FBN1: variants seen among roughly 807,000 people sequenced by gnomAD.
The protein encoded by FBN1 is fibrillin-1.
In FBN1, 29 loss-of-function variants were observed where a neutral mutation model predicts 365.1. The ratio of observed to expected loss-of-function variants is 0.08; its 90% CI spans 0.06 to 0.11. FBN1 has a LOEUF of 0.11. Among genes scored for constraint, FBN1 ranks in the 10% least tolerant of loss-of-function variants. The pLI is 1.00. For missense variants in FBN1, 2,476 were observed against 3,703.2 expected (o/e 0.67, Z 8.60); for synonymous variants, 1,210 against 1,270.5 (o/e 0.95, Z 1.01).
At chr15:48,451,536 C>A (rs2043201528) in intron 45 of FBN1, among the ~76,000 whole-genome samples, 1 of 151,890 alleles carries the variant, frequency 6.6e-6, no homozygotes, top group African/African-American at 2.4e-5. Context: ...TGCAAAATAC[C>A]CTAAAGAGAA....
rs2043882139 is a variant in FBN1 at position 48,523,723 on chromosome 15, G to GGA, written c.988+2406_988+2407insTC. ...ACCAAGGGTGGCTGGGGGGGGGGGG[G>GGA]AACCGTTGTGGTGGTATGTCACTTT... On this transcript the variant is annotated intron_variant, in intron 9 of 65. Coordinates refer to ENST00000316623, the MANE Select transcript of FBN1 (RefSeq NM_000138.5). 2.1e-5 allele frequency among the ~76,000 whole-genome samples: 3 copies of GGA among 142,806 alleles called. No homozygotes were observed. In the South Asian group the frequency reaches 6.8e-4, roughly 32 times the overall value. The allele number at this position is 142,806 out of a possible 152,430, so 93.7% of individuals were successfully genotyped here.
intron 4 of FBN1, 27 bp downstream of exon 4, chr15:48,610,701 T>C: frequency 1.3e-6 from 2 of 1,523,606 alleles, no homozygotes; most frequent in Non-Finnish European, 1.8e-6. Context: ...TAAAATAATA[T>C]TATATATAAT....
chr15:48,538,584 CT>C (rs72050382), intron 6 of FBN1, among the ~76,000 whole-genome samples: 195 of 145,916 alleles, frequency 1.3e-3, no homozygotes, highest in African/African-American at 1.6e-3. Flanking sequence ...AGATCTGCCT[CT>C]TTTTTTTTTT....
At chr15:48,449,606 G>A (rs1018090626) in intron 45 of FBN1, among the ~76,000 whole-genome samples, 3 of 151,792 alleles carry the variant, frequency 2.0e-5, no homozygotes, top group African/African-American at 7.3e-5. Flanking sequence ...ATTATCTGAG[G>A]GGCAGAATTT....
chr15:48,595,452 A>C (rs1177258623), intron 6 of FBN1, among the ~76,000 whole-genome samples: 1 of 152,218 alleles, frequency 6.6e-6, no homozygotes, highest in African/African-American at 2.4e-5. Context: ...ATGAGAAAAA[A>C]ATCTATAAAT....
rs757466131 is a variant in FBN1, at chr15:48,600,120, A to G, written c.442+19T>C. 9 of 1,554,470 alleles carry G rather than the reference A, an allele frequency of 5.8e-6. No homozygotes were observed. The highest frequency in any genetic ancestry group is 1.4e-5 in the African/African-American group (1 of 73,816). On this transcript the variant is annotated intron_variant, in intron 5 of 65. Transcript: ENST00000316623. ...AAACAGGTTAACATCTAGAATACTT[A>G]TAACTACAGTGTACTTACGTTGTCC...
At chr15:48,494,734 C>T (rs1361236573) in intron 22 of FBN1, among the ~76,000 whole-genome samples, 2 of 152,196 alleles carry the variant, frequency 1.3e-5, no homozygotes, top group East Asian at 1.9e-4. Flanking sequence ...AAGTTCCCAA[C>T]AGATTTAGAA....
intron 50 of FBN1, 29 bp downstream of exon 50, chr15:48,441,692 G>C (rs760578704): frequency 6.2e-7 from 1 of 1,612,962 alleles, no homozygotes; most frequent in Non-Finnish European, 8.5e-7. Flanking sequence ...ATGCAGCATT[G>C]AAAGCCCAAA....
At chr15:48,580,589 GAA>G (rs975455724) in intron 6 of FBN1, among the ~76,000 whole-genome samples, 1 of 151,970 alleles carries the variant, frequency 6.6e-6, no homozygotes, top group African/African-American at 2.4e-5. Flanking sequence ...GAAGGCATGG[GAA>G]AAAAAGAAAC....
intron 32 of FBN1, among the ~76,000 whole-genome samples, 194 bp from the exon 33 acceptor site, chr15:48,474,844 T>C (rs2043407053): frequency 6.6e-6 from 1 of 152,198 alleles, no homozygotes; most frequent in African/African-American, 2.4e-5. Flanking sequence ...AACAATATGA[T>C]TGTACTAGCT....
chr15:48,617,680 G>C (rs1889684364), intron 2 of FBN1, among the ~76,000 whole-genome samples: 1 of 152,148 alleles, frequency 6.6e-6, no homozygotes, highest in African/African-American at 2.4e-5. Context: ...CAGCAGGTTT[G>C]ATACTTGGAT....
intron 32 of FBN1, chr15:48,476,754 G>C (rs1015792928): frequency 1.3e-4 from 22 of 167,552 alleles, no homozygotes; most frequent in African/African-American, 5.6e-4. Flanking sequence ...GGGATTACAG[G>C]TGCCTGCCAC....
At chr15:48,516,471 C>T (rs2043804005) in intron 10 of FBN1, 109 bp from the exon 11 acceptor site, 5 of 1,168,516 alleles carry the variant, frequency 4.3e-6, no homozygotes, top group Non-Finnish European at 6.2e-6. Context: ...TAAAATTGAT[C>T]CTCAAAATTC....
chr15:48,506,188 A>G (rs1363253688), intron 15 of FBN1, among the ~76,000 whole-genome samples: 3 of 152,182 alleles, frequency 2.0e-5, no homozygotes, highest in Non-Finnish European at 4.4e-5. Context: ...GTGCCACTGC[A>G]CTCCATCCAG....
intron 6 of FBN1, among the ~76,000 whole-genome samples, chr15:48,593,972 T>C (rs754344986): frequency 1.3e-5 from 2 of 152,100 alleles, no homozygotes; most frequent in Non-Finnish European, 2.9e-5. Context: ...CCACAATAAG[T>C]ATACCAACCC....
At chr15:48,540,591 G>A (rs1597595363) in intron 6 of FBN1, among the ~76,000 whole-genome samples, 1 of 151,990 alleles carries the variant, frequency 6.6e-6, no homozygotes, top group Admixed American at 6.6e-5. Flanking sequence ...AGCATTCAGT[G>A]TACATTACAA....
At chr15:48,526,610 T>TA (rs2043917292) in intron 8 of FBN1, among the ~76,000 whole-genome samples, 2 of 152,262 alleles carry the variant, frequency 1.3e-5, no homozygotes, top group South Asian at 4.1e-4. Context: ...TGCATTAAGT[T>TA]AAACTCTCCT....
At chr15:48,424,647 T>C (rs1467776469) in intron 60 of FBN1, among the ~76,000 whole-genome samples, 1 of 152,246 alleles carries the variant, frequency 6.6e-6, no homozygotes, top group Non-Finnish European at 1.5e-5. Flanking sequence ...TATCTCTTGC[T>C]CTACCACTTG....
intron 60 of FBN1, among the ~76,000 whole-genome samples, chr15:48,423,829 G>GA (rs1361450358): frequency 1.3e-5 from 2 of 152,036 alleles, no homozygotes; most frequent in Admixed American, 6.5e-5. Flanking sequence ...AACCTTATGG[G>GA]AAAAAACAGG....
Sources: gnomAD v4.1 joint callset for allele counts (sites outside exome capture counted in the v4.1 genomes callset) on GRCh38, gnomAD v4.1.1 for gene constraint, MANE v1.5 for transcripts, NCBI Gene and HGNC (gene_info 2026-07-23, HGNC 2026-07-21) for gene names.